SCP2: variants seen among roughly 807,000 people sequenced by gnomAD.
SCP2 encodes the protein sterol carrier protein 2, also known as SCP-2/3-oxoacyl-CoA thiolase.
A neutral mutation model predicts 71.4 loss-of-function variants in SCP2; 48 were observed. The ratio of observed to expected loss-of-function variants is 0.67; its 90% CI spans 0.53 to 0.86. The LOEUF is 0.86. Among genes scored for constraint, SCP2 ranks in the 40% least tolerant of loss-of-function variants. The pLI, the probability that SCP2 is intolerant of heterozygous loss-of-function variation, is 0.00. For synonymous variants in SCP2, 220 were observed against 218.1 expected, an observed-to-expected ratio of 1.01 and a Z score of -0.08; for missense variants, 560 against 655.6, an observed-to-expected ratio of 0.85 and a Z score of 1.59.
chr1:52,994,279 ATCC>A (rs1659770296), intron 11 of SCP2: 2 of 998,628 alleles, frequency 2.0e-6, no homozygotes, highest in Non-Finnish European at 2.4e-6. Flanking sequence ...AGTGACTTAA[ATCC>A]TCCTTTCAGA....
At chr1:52,960,697 T>TTG (rs1346204208) in intron 5 of SCP2, among the ~76,000 whole-genome samples, 1 of 146,880 alleles carries the variant, frequency 6.8e-6, no homozygotes, top group East Asian at 2.0e-4. Context: ...TATATGTGTG[T>TTG]TGTGTGTATA....
In SCP2 at chr1:52,988,276, T is replaced by A. The variant is rs1333176813; in HGVS notation, c.1081+140T>A. 1.5e-5 allele frequency: 10 copies of A among 649,002 alleles called. No individual in the cohort carries two copies. In the Admixed American group the frequency reaches 2.5e-4, roughly 17 times the overall value. The allele number at this position is 649,002 out of a possible 1,614,324, so 40.2% of individuals were successfully genotyped here. ...TTAAATGATTGTTTAGCTTCAATAT[T>A]TTTGATGTTCCATTAAGTAGAGCAC... On this transcript the variant is annotated intron_variant, in intron 11 of 15. Coordinates refer to ENST00000371514, the MANE Select transcript of SCP2 (RefSeq NM_002979.5).
At chr1:52,966,918 T>C (rs1031194382) in intron 6 of SCP2, among the ~76,000 whole-genome samples, 13 of 151,760 alleles carry the variant, frequency 8.6e-5, no homozygotes, top group African/African-American at 3.1e-4. Context: ...CCACGCACGA[T>C]GGCTCATGCC....
intron 11 of SCP2, among the ~76,000 whole-genome samples, chr1:52,999,815 G>GTTTTTTTTTT (rs60893788): frequency 0.023 from 2,498 of 109,140 alleles, 186 homozygotes; most frequent in Admixed American, 0.074. Context: ...CTGAACACTT[G>GTTTTTTTTTT]TTTTTTTTTT....
chr1:52,938,368 T>C (rs79796338), intron 1 of SCP2, among the ~76,000 whole-genome samples: 2,653 of 152,336 alleles, frequency 0.017, 73 homozygotes, highest in African/African-American at 0.061. Context: ...AAGCCATTTC[T>C]CTTTAATGTG....
At chr1:52,989,636 GC>G (rs1659294313) in intron 11 of SCP2, among the ~76,000 whole-genome samples, 1 of 152,138 alleles carries the variant, frequency 6.6e-6, no homozygotes, top group South Asian at 2.1e-4. Flanking sequence ...CCACTTGAAA[GC>G]TTTGTCTTTA....
chr1:52,930,216 A>G (rs562240600), intron 1 of SCP2, among the ~76,000 whole-genome samples: 1 of 152,280 alleles, frequency 6.6e-6, no homozygotes, highest in East Asian at 1.9e-4. Context: ...CTTACATCAC[A>G]ATCCAGTACA....
chr1:52,997,208 C>T (rs1659996398), intron 11 of SCP2, among the ~76,000 whole-genome samples: 1 of 151,828 alleles, frequency 6.6e-6, no homozygotes. Context: ...TCACTCTGTC[C>T]CCGAGGTTAG....
At chr1:52,954,207 A>G (rs1655590514) in intron 4 of SCP2, among the ~76,000 whole-genome samples, 1 of 151,042 alleles carries the variant, frequency 6.6e-6, no homozygotes, top group Non-Finnish European at 1.5e-5. Context: ...TTCAACTAAT[A>G]GAGAGCTGAG....
rs1655225215 is a variant in SCP2 at position 52,950,850 on chromosome 1, A to G, written c.295A>G (p.Thr99Ala). Residue 99 changes from threonine (T) to alanine (A), a missense_variant, in exon 4 of 16, where the codon ACT becomes GCT. By Grantham distance (58) the Thr-to-Ala change is moderately conservative. Around this residue, in one of 3 missense-constraint regions of SCP2, gnomAD observed 513 missense variants for 573.1 expected, o/e 0.90. Coordinates refer to ENST00000371514, the MANE Select transcript of SCP2 (RefSeq NM_002979.5). Reference protein sequence around the residue: ...NVNNNCATGSTALFMARQLIQ... With the variant: ...NVNNNCATGSAALFMARQLIQ... The stretch of plus-strand genomic sequence containing the variant: ...CAACAATAACTGTGCTACTGGTTCT[A>G]CTGCTTTGTTTATGGCCCGCCAGCT... The G allele has an allele frequency of 6.2e-7, 1 of 1,613,954 alleles. No individual in the cohort carries two copies. The highest frequency in any genetic ancestry group is 1.7e-5 in the Admixed American group (1 of 59,996).
At chr1:53,026,700 A>T (rs1247190714) in intron 12 of SCP2, among the ~76,000 whole-genome samples, 1 of 152,134 alleles carries the variant, frequency 6.6e-6, no homozygotes, top group Non-Finnish European at 1.5e-5. Flanking sequence ...GTCCCAGCTT[A>T]CTTGGGAGGC....
In SCP2 at chr1:52,964,283, G is replaced by A. The variant is rs1656749362; in HGVS notation, c.523+2654G>A. Among the ~76,000 whole-genome samples the A allele has an allele frequency of 4.0e-5, 6 of 148,272 alleles. No individual in the cohort carries two copies. In the South Asian group the frequency reaches 1.3e-3, roughly 31 times the overall value. The stretch of plus-strand genomic sequence containing the variant: ...GTGGCATGATCTTGGCTCACTGCAA[G>A]CTCCGCCTCCTGGGTTCACGCCATT... On this transcript the variant is annotated intron_variant, in intron 6 of 15. Coordinates refer to ENST00000371514, the MANE Select transcript of SCP2 (RefSeq NM_002979.5).
rs181284958 is a variant in SCP2, at chr1:52,988,768, C to T, written c.1081+632C>T. The stretch of plus-strand genomic sequence containing the variant: ...TGGCACAATTTCGGCTCATTGCAGC[C>T]CCTGCCTCCCGGGTTCAAGCCATTC... On this transcript the variant is annotated intron_variant, in intron 11 of 15. Coordinates refer to ENST00000371514, the MANE Select transcript of SCP2 (RefSeq NM_002979.5). Among the ~76,000 whole-genome samples the T allele has an allele frequency of 3.9e-4, 59 of 151,752 alleles. 1 individual carries two copies. The highest frequency in any genetic ancestry group is 6.8e-4 in the Non-Finnish European group (46 of 67,896).
chr1:52,985,635 C>T (rs938393799), intron 10 of SCP2, among the ~76,000 whole-genome samples: 9 of 152,314 alleles, frequency 5.9e-5, no homozygotes, highest in African/African-American at 9.6e-5. Context: ...CTCACTCAGA[C>T]GAACAAGCCA....
At chr1:52,977,349 C>T (rs1005541021) in intron 8 of SCP2, among the ~76,000 whole-genome samples, 1 of 152,190 alleles carries the variant, frequency 6.6e-6, no homozygotes, top group African/African-American at 2.4e-5. Flanking sequence ...ATATGAGGGT[C>T]TGCCCATTTA....
intron 11 of SCP2, among the ~76,000 whole-genome samples, chr1:52,991,931 G>T (rs1412054399): frequency 6.6e-6 from 1 of 152,078 alleles, no homozygotes; most frequent in African/African-American, 2.4e-5. Context: ...CTATTGAATT[G>T]CTTAAATACA....
At chr1:52,999,165 T>C (rs994136529) in intron 11 of SCP2, among the ~76,000 whole-genome samples, 3 of 152,208 alleles carry the variant, frequency 2.0e-5, no homozygotes, top group African/African-American at 7.2e-5. Flanking sequence ...GAAAAGTAAA[T>C]GTTTCCTTGC....
At chr1:53,019,550 C>T (rs1232814180) in intron 12 of SCP2, among the ~76,000 whole-genome samples, 1 of 152,158 alleles carries the variant, frequency 6.6e-6, no homozygotes, top group African/African-American at 2.4e-5. Flanking sequence ...CTGTGCTTTC[C>T]ATGCCTCAGC....
At chr1:52,999,064 T>C (rs1660134766) in intron 11 of SCP2, among the ~76,000 whole-genome samples, 1 of 151,774 alleles carries the variant, frequency 6.6e-6, no homozygotes, top group African/African-American at 2.4e-5. Flanking sequence ...CTTTGAGATA[T>C]TATGTCTAGT....
Sources: allele counts gnomAD v4.1 joint callset (sites outside exome capture counted in the v4.1 genomes callset), GRCh38; gene constraint gnomAD v4.1.1; regional missense constraint gnomAD v4.1.1; transcripts MANE v1.5; gene names NCBI Gene and HGNC (gene_info 2026-07-23, HGNC 2026-07-21).